The following MYO10 variants were observed in gnomAD, a reference collection of about 807,000 sequenced individuals.
MYO10 encodes myosin X.
In MYO10, 133 loss-of-function variants were observed where a neutral mutation model predicts 257.3. The ratio of observed to expected loss-of-function variants is 0.52; its 90% CI spans 0.45 to 0.60. MYO10 has a LOEUF of 0.60. Among genes scored for constraint, MYO10 ranks in the 20% least tolerant of loss-of-function variants. MYO10 has a pLI of 0.00. For missense variants in MYO10, 2,399 were observed against 2,635.7 expected, an observed-to-expected ratio of 0.91 and a Z score of 1.97; for synonymous variants, 1,104 against 1,028.6, an observed-to-expected ratio of 1.07 and a Z score of -1.40.
rs963771670 is a variant in MYO10 at position 16,786,226 on chromosome 5, A to C, written c.468-2757T>G. Among the ~76,000 whole-genome samples, 18 of 152,138 alleles carry C rather than the reference A, an allele frequency of 1.2e-4. 1 individual carries two copies. Among genetic ancestry groups the C allele is most frequent in the Admixed American group, 1.0e-3 (16 of 15,266 alleles). ...ACCTTGGCTCACCGAATATGGCAAA[A>C]ATACAATTATGGAGAAGATACGATA... is the stretch of plus-strand genomic sequence containing the variant. On this transcript the variant is annotated intron_variant, in intron 4 of 40. Coordinates refer to ENST00000513610, the MANE Select transcript of MYO10 (RefSeq NM_012334.3).
rs567918222 is a variant in MYO10, at chr5:16,703,393, T to C, written c.2277-235A>G. Among the ~76,000 whole-genome samples the C allele has an allele frequency of 2.6e-5, 4 of 152,320 alleles. No homozygotes were observed. The East Asian group carries it at 7.7e-4, about 29-fold the overall frequency. ...GAAGCCTATCACTATCTTGGCTAAA[T>C]AAACACATAACCCCTCATGTTGGCT... On this transcript the variant is annotated intron_variant, in intron 22 of 40. Coordinates refer to ENST00000513610, the MANE Select transcript of MYO10 (RefSeq NM_012334.3).
intron 4 of MYO10, among the ~76,000 whole-genome samples, chr5:16,785,093 C>CAA (rs1741536274): frequency 6.6e-6 from 1 of 152,216 alleles, no homozygotes; most frequent in Non-Finnish European, 1.5e-5. Flanking sequence ...AATCATAAAG[C>CAA]AAAAGCCAAG....
chr5:16,932,627 G>T (rs1262397004), intron 1 of MYO10, among the ~76,000 whole-genome samples: 1 of 152,150 alleles, frequency 6.6e-6, no homozygotes, highest in African/African-American at 2.4e-5. Flanking sequence ...TGAAGGCCAT[G>T]AAGAAACTGA....
intron 19 of MYO10, among the ~76,000 whole-genome samples, chr5:16,754,280 T>C (rs1740465260): frequency 6.6e-6 from 1 of 152,148 alleles, no homozygotes; most frequent in Non-Finnish European, 1.5e-5. Flanking sequence ...GTAATCGGAT[T>C]ATGAAATTAG....
chr5:16,893,477 T>C (rs1745127504), intron 1 of MYO10, among the ~76,000 whole-genome samples: 1 of 150,832 alleles, frequency 6.6e-6, no homozygotes, highest in African/African-American at 2.4e-5. Context: ...CTACTAAGAA[T>C]ACAAAAATTA....
chr5:16,826,969 A>G (rs940346461), intron 2 of MYO10, among the ~76,000 whole-genome samples: 1 of 152,196 alleles, frequency 6.6e-6, no homozygotes, highest in African/African-American at 2.4e-5. Flanking sequence ...CTCCATGATT[A>G]TTTTGTACTG....
chr5:16,904,318 C>T (rs1378651560), intron 1 of MYO10, among the ~76,000 whole-genome samples: 2 of 152,134 alleles, frequency 1.3e-5, no homozygotes, highest in African/African-American at 4.8e-5. Context: ...TACCACTAGC[C>T]AGTAAACGTA....
At chr5:16,824,510 C>T (rs1394415129) in intron 2 of MYO10, among the ~76,000 whole-genome samples, 1 of 152,166 alleles carries the variant, frequency 6.6e-6, no homozygotes, top group Non-Finnish European at 1.5e-5. Flanking sequence ...GATGTCTACC[C>T]AGACACTAAG....
chr5:16,719,216 A>G (rs1739040179), intron 19 of MYO10, among the ~76,000 whole-genome samples: 1 of 152,170 alleles, frequency 6.6e-6, no homozygotes, highest in Non-Finnish European at 1.5e-5. Flanking sequence ...ACATCTGAAC[A>G]TCAGAAGGGA....
At chr5:16,903,099 T>C (rs552055260) in intron 1 of MYO10, among the ~76,000 whole-genome samples, 2 of 152,348 alleles carry the variant, frequency 1.3e-5, no homozygotes, top group East Asian at 3.9e-4. Context: ...TAAAACACCC[T>C]GTGAGTGAGT....
chr5:16,769,922 TTTTTG>T (rs113352233), intron 9 of MYO10, among the ~76,000 whole-genome samples: 1,580 of 152,010 alleles, frequency 0.01, 21 homozygotes, highest in African/African-American at 0.035. Flanking sequence ...AGGGGGTGTA[TTTTTG>T]TTTTGTTTTG....
At chr5:16,690,006 G>C in intron 27 of MYO10, 87 bp from the exon 28 acceptor site, 3 of 979,250 alleles carry the variant, frequency 3.1e-6, no homozygotes, top group Non-Finnish European at 4.9e-6. Flanking sequence ...CCAATGACTA[G>C]AGTTGGGAAC....
In MYO10 at chr5:16,709,305, A is replaced by C. The variant is rs1029060193; in HGVS notation, c.2169+1603T>G. Reference sequence around the variant, plus strand: ...GAGAGACCTATCACCTGCGGGGGGCACACCCTCAGGTGGCCCCCAGTGGGT... The same window carrying C: ...GAGAGACCTATCACCTGCGGGGGGCCCACCCTCAGGTGGCCCCCAGTGGGT... On this transcript the variant is annotated intron_variant, in intron 21 of 40. Transcript: ENST00000513610. Among the ~76,000 whole-genome samples, 15 of 152,150 alleles carry C rather than the reference A, an allele frequency of 9.9e-5. No homozygotes were observed. The South Asian group carries it at 1.9e-3, about 19-fold the overall frequency.
chr5:16,857,453 C>G (rs1034141369), intron 2 of MYO10, among the ~76,000 whole-genome samples: 1 of 152,166 alleles, frequency 6.6e-6, no homozygotes, highest in Non-Finnish European at 1.5e-5. Flanking sequence ...AACAAATCCC[C>G]ACACATAGCC....
intron 19 of MYO10, among the ~76,000 whole-genome samples, chr5:16,734,049 GA>G (rs1279509325): frequency 6.6e-6 from 1 of 151,806 alleles, no homozygotes; most frequent in Non-Finnish European, 1.5e-5. Context: ...TCGTATGAAA[GA>G]GTTTTAAGTT....
intron 19 of MYO10, among the ~76,000 whole-genome samples, chr5:16,720,051 C>T (rs1739089026): frequency 6.6e-6 from 1 of 151,204 alleles, no homozygotes; most frequent in African/African-American, 2.4e-5. Flanking sequence ...AGAAGCCTCC[C>T]ATAGACTAAG....
At chr5:16,931,164 G>A (rs1318114748) in intron 1 of MYO10, among the ~76,000 whole-genome samples, 5 of 152,134 alleles carry the variant, frequency 3.3e-5, no homozygotes, top group African/African-American at 4.8e-5. Flanking sequence ...CCAGCTACTC[G>A]GGAGGCTGAG....
chr5:16,927,799 T>C (rs550749679), intron 1 of MYO10, among the ~76,000 whole-genome samples: 7 of 152,328 alleles, frequency 4.6e-5, no homozygotes, highest in African/African-American at 1.7e-4. Flanking sequence ...AAAACTCTAA[T>C]GTCTTTTCCT....
At chr5:16,781,954 T>C (rs1479330582) in intron 5 of MYO10, 125 bp from the exon 6 acceptor site, 13 of 1,181,252 alleles carry the variant, frequency 1.1e-5, no homozygotes, top group Admixed American at 2.3e-5. Flanking sequence ...GGACTGAGGG[T>C]GGCAATGTTT....
Sources: gnomAD v4.1 joint callset for allele counts (sites outside exome capture counted in the v4.1 genomes callset) on GRCh38, gnomAD v4.1.1 for gene constraint, MANE v1.5 for transcripts, NCBI Gene and HGNC (gene_info 2026-07-23, HGNC 2026-07-21) for gene names.